MTSS1: variants seen among roughly 807,000 people sequenced by gnomAD.
The protein encoded by MTSS1 is protein MTSS 1.
A neutral mutation model predicts 79.0 loss-of-function variants in MTSS1; 18 were observed. That is an observed-to-expected ratio of 0.23 (90% CI 0.16 to 0.34). MTSS1 has a LOEUF of 0.34. MTSS1 is among the 10% of genes least tolerant of loss of function. MTSS1 has a pLI of 1.00. For missense variants in MTSS1, 815 were observed against 986.2 expected (o/e 0.83, Z 2.33); for synonymous variants, 341 against 368.6 (o/e 0.93, Z 0.86).
chr8:124,644,651 G>C (rs1251727834), intron 3 of MTSS1, among the ~76,000 whole-genome samples: 1 of 152,222 alleles, frequency 6.6e-6, no homozygotes, highest in Non-Finnish European at 1.5e-5. Context: ...CCCTTGAGCA[G>C]GACGTGGTGG....
Position 124,553,078 on chromosome 8 carries a change from C to T in MTSS1, c.2182G>A (p.Gly728Arg). 6.2e-7 allele frequency: 1 copy of T among 1,614,104 alleles called. No homozygotes were observed. Among genetic ancestry groups the T allele is most frequent in the South Asian group, 1.1e-5 (1 of 91,084 alleles). The stretch of plus-strand genomic sequence containing the variant: ...CGGATGGCGTTCAGCATGTCTTCTC[C>T]TTGTGGAGTATCCCTTGGGCTCAGG... ...ADLSPRDTPQ[G>R]EDMLNAIRRG... The change falls in exon 14 of 14, where the codon GGA becomes AGA. Residue 728 changes from glycine to arginine, a missense_variant. Physicochemically the swap from Gly to Arg is moderately radical, Grantham distance 125 (BLOSUM62 -2). This residue lies in a region of MTSS1 where 590 missense variants were observed against 620.8 expected (regional missense o/e 0.95). Transcript: ENST00000518547. This position sits in a 1 kb window ranked among gnomAD's most constrained non-coding sequence, Gnocchi z 6.0.
At chr8:124,633,267 A>G (rs890482477) in intron 3 of MTSS1, among the ~76,000 whole-genome samples, 5 of 152,176 alleles carry the variant, frequency 3.3e-5, no homozygotes, top group African/African-American at 7.2e-5. Context: ...TAATAATTTT[A>G]TGTTTGGTCA....
intron 7 of MTSS1, chr8:124,567,701 C>T (rs1312713469): frequency 1.3e-6 from 2 of 1,492,574 alleles, no homozygotes; most frequent in Non-Finnish European, 1.8e-6. Flanking sequence ...AGAAACATCC[C>T]ATGTGCTTTA....
chr8:124,604,568 A>G (rs1055102635), intron 3 of MTSS1, among the ~76,000 whole-genome samples: 2 of 152,252 alleles, frequency 1.3e-5, no homozygotes, highest in African/African-American at 4.8e-5. Flanking sequence ...CAAGGAAGAG[A>G]AAAACATGCA....
chr8:124,560,419 A>G (rs1037364609), intron 10 of MTSS1, among the ~76,000 whole-genome samples: 4 of 152,240 alleles, frequency 2.6e-5, no homozygotes, highest in Non-Finnish European at 5.9e-5. Flanking sequence ...ATCAGAGACA[A>G]TGCTCACTAT....
intron 3 of MTSS1, among the ~76,000 whole-genome samples, chr8:124,668,465 C>T (rs1823532715): frequency 6.6e-6 from 1 of 152,170 alleles, no homozygotes; most frequent in Non-Finnish European, 1.5e-5. Context: ...CTCGTTCATG[C>T]CCCTACCAGG....
At chr8:124,567,597 G>T in intron 7 of MTSS1, 2 of 1,389,712 alleles carry the variant, frequency 1.4e-6, no homozygotes, top group Non-Finnish European at 1.9e-6. Flanking sequence ...GACAGTGCCT[G>T]TGTGTTCAAC....
chr8:124,575,452 C>A (rs1170656510), intron 6 of MTSS1, among the ~76,000 whole-genome samples: 1 of 152,158 alleles, frequency 6.6e-6, no homozygotes, highest in Non-Finnish European at 1.5e-5. Context: ...AGAACAACGC[C>A]CGGCACGTGC....
At chr8:124,643,308 T>C (rs1587527400) in intron 3 of MTSS1, among the ~76,000 whole-genome samples, 1 of 152,162 alleles carries the variant, frequency 6.6e-6, no homozygotes, top group Non-Finnish European at 1.5e-5. Context: ...AAGCAAAAGA[T>C]AACCAACAGT....
chr8:124,618,038 C>A (rs1812743840), intron 3 of MTSS1, among the ~76,000 whole-genome samples: 1 of 152,030 alleles, frequency 6.6e-6, no homozygotes, highest in East Asian at 1.9e-4. Context: ...GAGTACTCAC[C>A]CCTTCTAAAT....
In MTSS1 at chr8:124,683,953, C is replaced by T. The variant is rs10087702; in HGVS notation, c.208+15573G>A. ...AAAAAGTGACCTGGGCCATAGGATT[C>T]TCAAATACTGATCATCTGAACAAAT... On this transcript the variant is annotated intron_variant, in intron 3 of 13. Transcript: ENST00000518547. The surrounding 1 kb of genome is among the most constrained non-coding windows in gnomAD (Gnocchi z 4.5). 0.017 allele frequency among the ~76,000 whole-genome samples: 2,603 copies of T among 152,246 alleles called. 76 individuals are homozygous for T. The highest frequency in any genetic ancestry group is 0.059 in the African/African-American group (2,451 of 41,514).
At chr8:124,705,280 G>A (rs1382597231) in intron 1 of MTSS1, among the ~76,000 whole-genome samples, 1 of 152,106 alleles carries the variant, frequency 6.6e-6, no homozygotes, top group Non-Finnish European at 1.5e-5. Flanking sequence ...AGATCAGCCT[G>A]GCCAACGTGG....
intron 1 of MTSS1, among the ~76,000 whole-genome samples, chr8:124,706,288 G>A (rs553306073): frequency 1.3e-5 from 2 of 152,254 alleles, no homozygotes; most frequent in African/African-American, 4.8e-5. Context: ...CCAATGTATT[G>A]CTTTCTCCTT....
intron 3 of MTSS1, among the ~76,000 whole-genome samples, chr8:124,656,299 G>T (rs974122349): frequency 6.6e-6 from 1 of 152,174 alleles, no homozygotes; most frequent in African/African-American, 2.4e-5. Context: ...AGGAGGACAG[G>T]TGTAGAGCTA....
intron 3 of MTSS1, among the ~76,000 whole-genome samples, chr8:124,639,255 T>C (rs1411579981): frequency 6.6e-6 from 1 of 152,136 alleles, no homozygotes; most frequent in Non-Finnish European, 1.5e-5. Flanking sequence ...GGAGAATCGC[T>C]TGAACCCAGG....
rs75145598 is a variant in MTSS1, at chr8:124,550,853, C to T, written c.*2139G>A. Reference sequence around the variant, plus strand: ...ATTGTTACAATGTAGGAGGGAGACACATTACACAATTGTTATTTATACAAG... The same window carrying T: ...ATTGTTACAATGTAGGAGGGAGACATATTACACAATTGTTATTTATACAAG... On this transcript the variant is annotated 3_prime_UTR_variant, in exon 14 of 14. Transcript: ENST00000518547. 2 of 152,698 alleles carry T rather than the reference C, an allele frequency of 1.3e-5. No homozygotes were observed. The highest frequency in any genetic ancestry group is 2.9e-5 in the Non-Finnish European group (2 of 68,028). 9.5% of individuals were successfully genotyped at this position (152,698 alleles called of 1,614,324 possible).
chr8:124,660,117 G>C (rs114620592), intron 3 of MTSS1, among the ~76,000 whole-genome samples: 1 of 151,706 alleles, frequency 6.6e-6, no homozygotes, highest in African/African-American at 2.4e-5. Flanking sequence ...CAGCTGTCCC[G>C]AGGATATGCT....
intron 3 of MTSS1, among the ~76,000 whole-genome samples, chr8:124,636,880 G>A (rs575020654): frequency 2.0e-5 from 3 of 152,198 alleles, no homozygotes; most frequent in Non-Finnish European, 4.4e-5. Flanking sequence ...TGCGGGCAAG[G>A]AGCCAATAGC....
chr8:124,721,638 G>A (rs1832958874), intron 1 of MTSS1, among the ~76,000 whole-genome samples: 1 of 151,814 alleles, frequency 6.6e-6, no homozygotes, highest in Admixed American at 6.6e-5. Flanking sequence ...TCAAACTCCT[G>A]GACCTCAGGT....
Sources: allele counts gnomAD v4.1 joint callset (sites outside exome capture counted in the v4.1 genomes callset), GRCh38; gene constraint gnomAD v4.1.1; regional missense constraint gnomAD v4.1.1; non-coding constraint Gnocchi (gnomAD v3.1); transcripts MANE v1.5; gene names NCBI Gene and HGNC (gene_info 2026-07-23, HGNC 2026-07-21).